The following PPP2R3A variants were observed in gnomAD, a reference collection of about 807,000 sequenced individuals.
The protein encoded by PPP2R3A is protein phosphatase 2 regulatory subunit B''alpha, also known as serine/threonine-protein phosphatase 2A regulatory subunit B'' subunit alpha.
A neutral mutation model predicts 106.9 loss-of-function variants in PPP2R3A; 80 were observed. The ratio of observed to expected loss-of-function variants is 0.75; its 90% CI spans 0.62 to 0.90. PPP2R3A has a LOEUF of 0.90. PPP2R3A is among the 40% of genes least tolerant of loss of function. The pLI, the probability that PPP2R3A is intolerant of heterozygous loss-of-function variation, is 0.00. For synonymous variants in PPP2R3A, 483 were observed against 468.3 expected (o/e 1.03, Z -0.41); for missense variants, 1,386 against 1,350.4 (o/e 1.03, Z -0.41).
intron 13 of PPP2R3A, among the ~76,000 whole-genome samples, chr3:136,107,454 TTGA>T (rs1315146223): frequency 8.2e-6 from 1 of 122,488 alleles, no homozygotes; most frequent in African/African-American, 3.4e-5. Context: ...TTTTTTTTTT[TTGA>T]GACAGTCTCA....
intron 13 of PPP2R3A, among the ~76,000 whole-genome samples, chr3:136,116,758 T>C (rs922446543): frequency 6.6e-6 from 1 of 152,220 alleles, no homozygotes; most frequent in Non-Finnish European, 1.5e-5. Flanking sequence ...CTCAGAGACC[T>C]ACAAAGAGAC....
chr3:136,113,946 C>T (rs973776239), intron 13 of PPP2R3A, among the ~76,000 whole-genome samples: 2 of 152,144 alleles, frequency 1.3e-5, no homozygotes, highest in Non-Finnish European at 2.9e-5. Flanking sequence ...CAAGTGGGGC[C>T]TAATTAAAGA....
intron 3 of PPP2R3A, 100 bp from the exon 4 acceptor site, chr3:136,040,759 C>T: frequency 1.1e-6 from 1 of 907,774 alleles, no homozygotes. Context: ...CTCTTCCATC[C>T]ACTGTGGCAT....
intron 1 of PPP2R3A, among the ~76,000 whole-genome samples, chr3:135,976,675 T>A (rs1249359240): frequency 1.3e-5 from 2 of 152,338 alleles, no homozygotes; most frequent in East Asian, 3.9e-4. Context: ...GTGGTATCTT[T>A]TGTTAAATAG....
intron 13 of PPP2R3A, among the ~76,000 whole-genome samples, chr3:136,107,953 C>T (rs1020132687): frequency 2.6e-5 from 4 of 152,162 alleles, no homozygotes; most frequent in Non-Finnish European, 4.4e-5. Flanking sequence ...TCACTCATGG[C>T]TGTAATCCCA....
intron 5 of PPP2R3A, among the ~76,000 whole-genome samples, chr3:136,063,089 T>C (rs1470368865): frequency 2.0e-5 from 3 of 152,100 alleles, no homozygotes; most frequent in East Asian, 1.9e-4. Context: ...ACCAATGGAA[T>C]AGAACAGAGC....
Position 136,002,599 on chromosome 3 carries a change from A to T in PPP2R3A, c.1101A>T (p.Gln367His), listed in dbSNP as rs781083770. Residue 367 changes from glutamine to histidine, a missense_variant, in exon 2 of 14, where the codon CAA becomes CAT. Gln to His is a conservative substitution (Grantham distance 24, BLOSUM62 0). Transcript: ENST00000264977. ...KPNSRKMDTVQSIPNNSTNSL... is the reference protein window; with the variant it reads ...KPNSRKMDTVHSIPNNSTNSL... ...ATTCTAGGAAGATGGACACTGTACA[A>T]TCCATTCCAAACAACTCCACAAATT... 6 of 1,613,868 alleles carry T rather than the reference A, an allele frequency of 3.7e-6. No homozygotes were observed. In the African/African-American group the frequency reaches 8.0e-5, roughly 22 times the overall value.
intron 12 of PPP2R3A, among the ~76,000 whole-genome samples, chr3:136,105,470 T>A (rs927615330): frequency 4.0e-5 from 6 of 151,134 alleles, no homozygotes; most frequent in Non-Finnish European, 8.8e-5. Context: ...TACAAAAAAA[T>A]TTTAAAATTA....
chr3:135,971,223 G>C (rs1433534636), intron 1 of PPP2R3A, among the ~76,000 whole-genome samples: 2 of 152,168 alleles, frequency 1.3e-5, no homozygotes, highest in Admixed American at 1.3e-4. Context: ...GATGGTACCT[G>C]AGGGATATGG....
chr3:136,128,294 G>C (rs550918167), intron 13 of PPP2R3A, among the ~76,000 whole-genome samples: 8 of 151,342 alleles, frequency 5.3e-5, no homozygotes, highest in Non-Finnish European at 1.2e-4. Flanking sequence ...ACACACATAG[G>C]CTCAAAATAA....
chr3:135,992,184 G>T (rs1429568072), intron 1 of PPP2R3A, among the ~76,000 whole-genome samples: 2 of 152,036 alleles, frequency 1.3e-5, no homozygotes. Flanking sequence ...TGTTCTGTTG[G>T]AAGCAGTTTC....
chr3:136,061,367 C>T (rs890808005), intron 5 of PPP2R3A, among the ~76,000 whole-genome samples: 6 of 152,174 alleles, frequency 3.9e-5, no homozygotes, highest in Non-Finnish European at 4.4e-5. Flanking sequence ...GTGGCTCACA[C>T]CTGTAATCCC....
At position 136,070,551 on chromosome 3, in the gene PPP2R3A, C is replaced by T. The variant is rs117451568; in HGVS notation, c.2543C>T (p.Thr848Met). Residue 848 changes from threonine to methionine, a missense_variant and splice_region_variant, in exon 6 of 14, where the codon ACG becomes ATG. Transcript: ENST00000264977. ...GAATTCCACTCCCGCTACATCACCA[C>T]GGTAGGCTGAGTCATCTTTTTTCTT... ...APEFHSRYIT[T>M]VIQRIFYTVN... is the part of the protein sequence containing the mutation. 1.2e-5 allele frequency: 19 copies of T among 1,605,710 alleles called. No individual in the cohort carries two copies. The highest frequency in any genetic ancestry group is 5.6e-5 in the South Asian group (5 of 89,820).
chr3:135,990,444 T>A (rs909204986), intron 1 of PPP2R3A, among the ~76,000 whole-genome samples: 47 of 152,182 alleles, frequency 3.1e-4, no homozygotes, highest in African/African-American at 1.1e-3. Context: ...GGCCTATTAT[T>A]TTTTGTCTCA....
Position 136,002,438 on chromosome 3 carries a change from A to G in PPP2R3A, c.940A>G (p.Met314Val), listed in dbSNP as rs1296915395. ...AGATTTAACAGAACTGATCAGTAATATGCCTAGCTTACAACTGACTCCCTT... is the reference window on the plus strand; with the variant it reads ...AGATTTAACAGAACTGATCAGTAATGTGCCTAGCTTACAACTGACTCCCTT... ...ALDLTELISN[M>V]PSLQLTPFSP... The change falls in exon 2 of 14, where the codon ATG becomes GTG. Residue 314 changes from methionine to valine, a missense_variant. By Grantham distance (21) the Met-to-Val change is conservative. Transcript: ENST00000264977. 1.2e-6 allele frequency: 2 copies of G among 1,613,868 alleles called. No individual in the cohort carries two copies. The highest frequency in any genetic ancestry group is 2.2e-5 in the East Asian group (1 of 44,886).
At chr3:136,074,274 C>CTGTT (rs1447363979) in intron 6 of PPP2R3A, among the ~76,000 whole-genome samples, 1 of 152,130 alleles carries the variant, frequency 6.6e-6, no homozygotes, top group African/African-American at 2.4e-5. Flanking sequence ...ACAGGAAAGG[C>CTGTT]TGTTTGTTTA....
At position 136,002,858 on chromosome 3, in the gene PPP2R3A, C is replaced by T. The variant is rs1444667135; in HGVS notation, c.1360C>T (p.His454Tyr). Residue 454 changes from histidine to tyrosine, a missense_variant, in exon 2 of 14, where the codon CAT becomes TAT. By Grantham distance (83) the His-to-Tyr change is moderately conservative. Transcript: ENST00000264977. Reference protein sequence around the residue: ...VNEHRAEFPEHATHLKKCPTP... With the variant: ...VNEHRAEFPEYATHLKKCPTP... Reference sequence around the variant, plus strand: ...TGAACATAGAGCAGAATTTCCAGAACATGCTACTCATCTTAAAAAATGCCC... The same window carrying T: ...TGAACATAGAGCAGAATTTCCAGAATATGCTACTCATCTTAAAAAATGCCC... The T allele has an allele frequency of 1.7e-5, 27 of 1,613,882 alleles. No individual in the cohort carries two copies. The highest frequency in any genetic ancestry group is 2.3e-5 in the Non-Finnish European group (27 of 1,179,890).
chr3:136,007,500 T>G (rs1225740605), intron 2 of PPP2R3A, among the ~76,000 whole-genome samples: 3 of 152,148 alleles, frequency 2.0e-5, no homozygotes, highest in Non-Finnish European at 4.4e-5. Context: ...CCTCTAGCCT[T>G]TAACACCTAA....
chr3:136,094,760 C>T (rs1321428086), intron 10 of PPP2R3A, among the ~76,000 whole-genome samples: 3 of 152,102 alleles, frequency 2.0e-5, no homozygotes, highest in Admixed American at 6.6e-5. Flanking sequence ...AAAGAAATCT[C>T]CCAGCCCTGA....
Sources: gnomAD v4.1 joint callset for allele counts (sites outside exome capture counted in the v4.1 genomes callset) on GRCh38, gnomAD v4.1.1 for gene constraint, MANE v1.5 for transcripts, NCBI Gene and HGNC (gene_info 2026-07-23, HGNC 2026-07-21) for gene names.